The following OPCML variants were observed in gnomAD, a reference collection of about 807,000 sequenced individuals.
The protein encoded by OPCML is opioid-binding protein/cell adhesion molecule.
In OPCML, 13 loss-of-function variants were observed where a neutral mutation model predicts 37.8. That is an observed-to-expected ratio of 0.34 (90% confidence interval 0.22 to 0.55). OPCML has a LOEUF of 0.55. Among genes scored for constraint, OPCML ranks in the 20% least tolerant of loss-of-function variants. The pLI, the probability that OPCML is intolerant of heterozygous loss-of-function variation, is 0.91. For missense variants in OPCML, 341 were observed against 435.6 expected, an observed-to-expected ratio of 0.78 and a Z score of 1.93; for synonymous variants, 176 against 168.8, an observed-to-expected ratio of 1.04 and a Z score of -0.33.
At chr11:133,431,430 A>T (rs891627425) in intron 1 of OPCML, among the ~76,000 whole-genome samples, 2 of 152,150 alleles carry the variant, frequency 1.3e-5, no homozygotes, top group Non-Finnish European at 2.9e-5. Flanking sequence ...ACTACAATAA[A>T]TACCATATGT....
At chr11:133,438,538 G>C (rs1420179348) in intron 1 of OPCML, among the ~76,000 whole-genome samples, 5 of 152,090 alleles carry the variant, frequency 3.3e-5, no homozygotes, top group Non-Finnish European at 7.4e-5. Context: ...GAAACAGAGG[G>C]AATAACAAAG....
chr11:132,823,958 C>T (rs574581723), intron 2 of OPCML, among the ~76,000 whole-genome samples: 50 of 152,250 alleles, frequency 3.3e-4, no homozygotes, highest in African/African-American at 1.1e-3. Flanking sequence ...CTGCTCTGTT[C>T]ATCACTGACC....
At position 132,979,539 on chromosome 11, in the gene OPCML, C is replaced by T. The variant is rs565536965; in HGVS notation, c.62-36529G>A. Among the ~76,000 whole-genome samples the T allele has an allele frequency of 4.6e-5, 7 of 152,374 alleles. No individual in the cohort carries two copies. The South Asian group carries it at 1.2e-3, about 27-fold the overall frequency. Reference sequence around the variant, plus strand: ...TTGCTCCAGTGTTCTCTCAGTGAGACCTCCTCTCCACAACCCTCCCACGGT... The same window carrying T: ...TTGCTCCAGTGTTCTCTCAGTGAGATCTCCTCTCCACAACCCTCCCACGGT... On this transcript the variant is annotated intron_variant, in intron 1 of 7. Transcript: ENST00000524381.
intron 1 of OPCML, among the ~76,000 whole-genome samples, chr11:133,036,934 G>T (rs1481278209): frequency 6.6e-6 from 1 of 152,042 alleles, no homozygotes; most frequent in Non-Finnish European, 1.5e-5. Context: ...TTCTTTGCTT[G>T]TTCCTCTGTG....
intron 1 of OPCML, among the ~76,000 whole-genome samples, chr11:133,127,733 G>C (rs188698414): frequency 1.3e-5 from 2 of 151,666 alleles, no homozygotes; most frequent in African/African-American, 4.8e-5. Flanking sequence ...AAAACAAATT[G>C]CTGTCATCAC....
intron 1 of OPCML, among the ~76,000 whole-genome samples, chr11:133,160,622 C>G (rs1442731193): frequency 6.6e-6 from 1 of 152,232 alleles, no homozygotes; most frequent in Non-Finnish European, 1.5e-5. Flanking sequence ...CATCTTGCCT[C>G]CCAACCTTCT....
At chr11:132,710,349 A>G (rs1357333496) in intron 2 of OPCML, among the ~76,000 whole-genome samples, 2 of 152,332 alleles carry the variant, frequency 1.3e-5, no homozygotes, top group African/African-American at 4.8e-5. Context: ...CAAGCTTCTT[A>G]AAAGTTGGAG....
At position 133,076,690 on chromosome 11, in the gene OPCML, A is replaced by G. The variant is rs568564277; in HGVS notation, c.62-133680T>C. Among the ~76,000 whole-genome samples the G allele has an allele frequency of 1.6e-4, 24 of 149,006 alleles. No individual in the cohort carries two copies. The East Asian group carries it at 4.6e-3, about 29-fold the overall frequency. On this transcript the variant is annotated intron_variant, in intron 1 of 7. Transcript: ENST00000524381. ...ATAGAATCATGTGTGAATGCAAGCC[A>G]TCATCAGCCTCATCATTGTCATCAT...
At chr11:133,383,218 C>A (rs1207146660) in intron 1 of OPCML, among the ~76,000 whole-genome samples, 1 of 152,196 alleles carries the variant, frequency 6.6e-6, no homozygotes, top group Non-Finnish European at 1.5e-5. Flanking sequence ...GTCCTGCCCA[C>A]AGCTCAGACT....
chr11:133,506,846 G>A lies in OPCML; in HGVS notation c.61+25418C>T, dbSNP rs116354132. Among the ~76,000 whole-genome samples the A allele has an allele frequency of 8.1e-3, 1,236 of 152,330 alleles. 19 individuals are homozygous for A. The highest frequency in any genetic ancestry group is 0.028 in the African/African-American group (1,169 of 41,586). On this transcript the variant is annotated intron_variant, in intron 1 of 7. Coordinates refer to ENST00000524381, the MANE Select transcript of OPCML (RefSeq NM_001012393.5). ...AGGCAGGAGAACGCACTCGGTGCAC[G>A]CCTTCAAAGCTGGCCCTGTGCAGGT...
intron 2 of OPCML, among the ~76,000 whole-genome samples, chr11:132,881,887 G>A (rs778478800): frequency 6.6e-6 from 1 of 152,216 alleles, no homozygotes; most frequent in Non-Finnish European, 1.5e-5. Flanking sequence ...GGGAAATGTG[G>A]TTGATTTGCA....
intron 3 of OPCML, among the ~76,000 whole-genome samples, chr11:132,547,770 T>A (rs369467370): frequency 6.6e-6 from 1 of 152,134 alleles, no homozygotes. Flanking sequence ...CCATCAAGAA[T>A]GTTGTCTGCC....
At chr11:133,400,531 C>T (rs991430096) in intron 1 of OPCML, among the ~76,000 whole-genome samples, 1 of 152,196 alleles carries the variant, frequency 6.6e-6, no homozygotes, top group Non-Finnish European at 1.5e-5. Flanking sequence ...CAACGCTTTG[C>T]AGTTCTGGAG....
At chr11:132,537,300 A>G (rs911780715) in intron 3 of OPCML, among the ~76,000 whole-genome samples, 3 of 152,230 alleles carry the variant, frequency 2.0e-5, no homozygotes, top group Admixed American at 6.5e-5. Flanking sequence ...TGGTCAGTTC[A>G]TTTCCAACAA....
chr11:132,794,240 T>A (rs896596498), intron 2 of OPCML, among the ~76,000 whole-genome samples: 8 of 152,174 alleles, frequency 5.3e-5, no homozygotes, highest in Non-Finnish European at 1.2e-4. Context: ...TGAGCATATT[T>A]CAGCATGGCA....
chr11:133,062,309 C>T (rs921119917), intron 1 of OPCML, among the ~76,000 whole-genome samples: 8 of 152,274 alleles, frequency 5.3e-5, no homozygotes, highest in Admixed American at 2.6e-4. Context: ...CATGAATCCC[C>T]GCTGCACTTC....
chr11:133,152,924 A>G (rs922413673), intron 1 of OPCML, among the ~76,000 whole-genome samples: 3 of 149,776 alleles, frequency 2.0e-5, no homozygotes, highest in South Asian at 4.2e-4. Context: ...TTTCCCCTTC[A>G]TAAGGTAATA....
chr11:133,518,827 T>TCCTGG (rs1565679875), intron 1 of OPCML, among the ~76,000 whole-genome samples: 5 of 151,592 alleles, frequency 3.3e-5, no homozygotes, highest in African/African-American at 1.2e-4. Context: ...CAGTGGCAGG[T>TCCTGG]TGGAAGATCT....
chr11:132,430,846 A>G (rs2095994385), intron 7 of OPCML, among the ~76,000 whole-genome samples: 1 of 151,942 alleles, frequency 6.6e-6, no homozygotes, highest in Admixed American at 6.6e-5. Context: ...AGCACGTCGC[A>G]CTCTCTGCAG....
Sources: gnomAD v4.1 joint callset for allele counts (sites outside exome capture counted in the v4.1 genomes callset) on GRCh38, gnomAD v4.1.1 for gene constraint, MANE v1.5 for transcripts, NCBI Gene and HGNC (gene_info 2026-07-23, HGNC 2026-07-21) for gene names.